ARID1B: variants seen among roughly 807,000 people sequenced by gnomAD.
ARID1B encodes AT-rich interactive domain-containing protein 1B.
Under a neutral mutation model 212.3 loss-of-function variants are expected in ARID1B, and 30 were observed. The ratio of observed to expected loss-of-function variants is 0.14; its 90% CI spans 0.11 to 0.19. The LOEUF is 0.19. ARID1B is among the 10% of genes least tolerant of loss of function. The pLI, the probability that ARID1B is intolerant of heterozygous loss-of-function variation, is 1.00. For synonymous variants in ARID1B, 1,402 were observed against 1,301.7 expected (o/e 1.08, Z -1.66); for missense variants, 2,891 against 3,204.0 (o/e 0.90, Z 2.36).
intron 5 of ARID1B, among the ~76,000 whole-genome samples, chr6:157,099,104 C>T (rs1389947777): frequency 2.0e-5 from 3 of 152,138 alleles, no homozygotes; most frequent in Admixed American, 6.5e-5. Context: ...GCAGGGATTA[C>T]AGGTGCCCAC....
intron 5 of ARID1B, among the ~76,000 whole-genome samples, chr6:157,099,121 G>A (rs11754752): frequency 0.09 from 13,656 of 152,074 alleles, 822 homozygotes; most frequent in Middle Eastern, 0.14. Context: ...CCACCACCAC[G>A]CATTTTTGTA....
intron 4 of ARID1B, among the ~76,000 whole-genome samples, chr6:157,060,334 TTTAAGA>T (rs1444112356): frequency 2.0e-5 from 3 of 152,188 alleles, no homozygotes; most frequent in Non-Finnish European, 4.4e-5. Context: ...TGCGCAACTT[TTTAAGA>T]TTAATTATCT....
At chr6:157,118,202 G>A (rs111775518) in intron 6 of ARID1B, among the ~76,000 whole-genome samples, 3 of 152,178 alleles carry the variant, frequency 2.0e-5, no homozygotes, top group African/African-American at 7.2e-5. Context: ...GAGACCACCC[G>A]GATAATTGTT....
At chr6:156,880,698 C>T (rs1786983191) in intron 2 of ARID1B, among the ~76,000 whole-genome samples, 1 of 124,188 alleles carries the variant, frequency 8.1e-6, no homozygotes. Flanking sequence ...CAAGATCGTG[C>T]AACTGCACTC....
chr6:157,159,086 C>G (rs1051507202), intron 8 of ARID1B, among the ~76,000 whole-genome samples: 2 of 152,184 alleles, frequency 1.3e-5, no homozygotes, highest in Admixed American at 1.3e-4. Context: ...ACTGCTACCC[C>G]CCTGTGGCTC....
intron 4 of ARID1B, chr6:156,942,105 A>T (rs1347947405): frequency 6.6e-6 from 1 of 152,240 alleles, no homozygotes; most frequent in Non-Finnish European, 1.5e-5. Context: ...AACCCATTTT[A>T]TAGGAGTGTC....
chr6:156,779,229 G>C lies in ARID1B; in HGVS notation c.1549G>C (p.Gly517Arg), dbSNP rs776783024. Residue 517 changes from glycine (G) to arginine (R), a missense_variant, in exon 1 of 20, where the codon GGC becomes CGC. By Grantham distance (125) the Gly-to-Arg change is moderately radical. This residue lies in a region of ARID1B where 1,643 missense variants were observed against 1,544.0 expected (regional missense o/e 1.06). Coordinates refer to ENST00000636930, the MANE Select transcript of ARID1B (RefSeq NM_001374828.1). Reference protein sequence around the residue: ...TSPSPMMRSYGGSYPEYSSPS... With the variant: ...TSPSPMMRSYRGSYPEYSSPS... Reference sequence around the variant, plus strand: ...GCCCAGCCCCATGATGCGGAGCTACGGCGGCAGCTACCCCGAGTACAGCAG... The same window carrying C: ...GCCCAGCCCCATGATGCGGAGCTACCGCGGCAGCTACCCCGAGTACAGCAG... 3 of 1,264,016 alleles carry C rather than the reference G, an allele frequency of 2.4e-6. No individual in the cohort carries two copies. Among genetic ancestry groups the C allele is most frequent in the African/African-American group, 3.2e-5 (2 of 63,014 alleles). The allele number at this position is 1,264,016 out of a possible 1,614,324, so 78.3% of individuals were successfully genotyped here. A position where few individuals can be genotyped will look rare whatever the true frequency, so the allele number is the denominator to read the frequency against.
intron 5 of ARID1B, among the ~76,000 whole-genome samples, chr6:157,106,886 G>C (rs1000258541): frequency 6.6e-6 from 1 of 152,180 alleles, no homozygotes; most frequent in Admixed American, 6.5e-5. Flanking sequence ...GGAAGAAAAA[G>C]GGGAAATATA....
chr6:157,165,305 C>CT (rs1475330893), intron 8 of ARID1B, among the ~76,000 whole-genome samples: 2 of 152,176 alleles, frequency 1.3e-5, no homozygotes, highest in East Asian at 3.8e-4. Flanking sequence ...GAATTGCAGG[C>CT]TAAAGTAATG....
At chr6:157,039,763 T>A (rs149286181) in intron 4 of ARID1B, among the ~76,000 whole-genome samples, 16,517 of 108,366 alleles carry the variant, frequency 0.15, 1,771 homozygotes, top group East Asian at 0.39. Context: ...CTTCCTACCT[T>A]CCTACCTACC....
intron 7 of ARID1B, among the ~76,000 whole-genome samples, chr6:157,134,667 G>A (rs1428843651): frequency 6.6e-6 from 1 of 152,228 alleles, no homozygotes; most frequent in Non-Finnish European, 1.5e-5. Context: ...GCAGAGCAGA[G>A]GCAGGACTGT....
At chr6:157,012,375 G>T (rs903534966) in intron 4 of ARID1B, among the ~76,000 whole-genome samples, 44 of 152,366 alleles carry the variant, frequency 2.9e-4, no homozygotes, top group Non-Finnish European at 3.1e-4. Context: ...ATGGGAGTGG[G>T]CCGATAAGGC....
At chr6:157,177,857 C>T (rs986067385) in intron 11 of ARID1B, among the ~76,000 whole-genome samples, 2 of 152,148 alleles carry the variant, frequency 1.3e-5, no homozygotes, top group Non-Finnish European at 2.9e-5. Context: ...ACCCGTCTTT[C>T]CGAAGGGCGA....
chr6:157,163,337 T>C (rs1220696563), intron 8 of ARID1B, among the ~76,000 whole-genome samples: 1 of 152,156 alleles, frequency 6.6e-6, no homozygotes, highest in Non-Finnish European at 1.5e-5. Context: ...AACACCACGC[T>C]GAGCAGGAGT....
At chr6:157,018,211 G>GTTTTTTT (rs1562552562) in intron 4 of ARID1B, among the ~76,000 whole-genome samples, 1 of 45,692 alleles carries the variant, frequency 2.2e-5, no homozygotes, top group African/African-American at 1.1e-4. Flanking sequence ...AAAGTAGTAT[G>GTTTTTTT]CTTTTTTTTT....
At chr6:156,887,317 A>G (rs1354086905) in intron 2 of ARID1B, among the ~76,000 whole-genome samples, 3 of 152,110 alleles carry the variant, frequency 2.0e-5, no homozygotes, top group African/African-American at 7.2e-5. Context: ...ACGATTCCCA[A>G]AGTCTCAGAG....
At chr6:157,161,237 T>A (rs1285520976) in intron 8 of ARID1B, among the ~76,000 whole-genome samples, 1 of 152,152 alleles carries the variant, frequency 6.6e-6, no homozygotes, top group Non-Finnish European at 1.5e-5. Flanking sequence ...TTCTATGTCT[T>A]TTGTCTAATG....
At chr6:157,187,132 T>G (rs79954786) in intron 13 of ARID1B, among the ~76,000 whole-genome samples, 9,053 of 152,236 alleles carry the variant, frequency 0.059, 673 homozygotes, top group African/African-American at 0.17. Flanking sequence ...GATCTTGTTA[T>G]AAAGCATCTA....
chr6:157,048,789 ATG>A (rs1415906424), intron 4 of ARID1B, among the ~76,000 whole-genome samples: 2 of 152,300 alleles, frequency 1.3e-5, no homozygotes, highest in Admixed American at 6.5e-5. Context: ...GAGTTTTGCC[ATG>A]TGTGATTTAT....
Sources: allele counts gnomAD v4.1 joint callset (sites outside exome capture counted in the v4.1 genomes callset), GRCh38; gene constraint gnomAD v4.1.1; regional missense constraint gnomAD v4.1.1; transcripts MANE v1.5; gene names NCBI Gene and HGNC (gene_info 2026-07-23, HGNC 2026-07-21).